Variants in AVEN observed in about 807,000 individuals in gnomAD.
AVEN encodes the protein cell death regulator Aven.
A neutral mutation model predicts 38.1 loss-of-function variants in AVEN; 41 were observed. The observed-to-expected ratio is 1.08, with a 90% confidence interval of 0.84 to 1.40. AVEN has a LOEUF of 1.40. Among genes scored for constraint, AVEN ranks in the 40% most tolerant of loss-of-function variants. The pLI is 0.00. For synonymous variants in AVEN, 206 were observed against 171.8 expected, an observed-to-expected ratio of 1.20 and a Z score of -1.56; for missense variants, 605 against 438.8, an observed-to-expected ratio of 1.38 and a Z score of -3.38.
At chr15:34,019,406 A>G (rs1898107019) in intron 1 of AVEN, among the ~76,000 whole-genome samples, 1 of 152,244 alleles carries the variant, frequency 6.6e-6, no homozygotes, top group Middle Eastern at 3.2e-3. Context: ...TTTATAAAGT[A>G]AGAAAATTAC....
intron 2 of AVEN, among the ~76,000 whole-genome samples, chr15:33,887,972 C>T: frequency 6.6e-6 from 1 of 152,114 alleles, no homozygotes; most frequent in Non-Finnish European, 1.5e-5. Context: ...TGCAACCACA[C>T]CTAGTTCACC....
chr15:33,974,631 C>G (rs1895796815), intron 2 of AVEN, among the ~76,000 whole-genome samples: 1 of 152,134 alleles, frequency 6.6e-6, no homozygotes. Flanking sequence ...TGCATGTGTA[C>G]GTCCTCACAG....
At chr15:34,073,519 C>CTTTTTTTTTTTTT (rs10617421) in intron 1 of AVEN, among the ~76,000 whole-genome samples, 1 of 88,518 alleles carries the variant, frequency 1.1e-5, no homozygotes, top group African/African-American at 4.3e-5. Context: ...TTTCTTTTTT[C>CTTTTTTTTTTTTT]TTTTTTTTTT....
At chr15:33,986,548 CTT>C (rs961521786) in intron 2 of AVEN, among the ~76,000 whole-genome samples, 5 of 152,116 alleles carry the variant, frequency 3.3e-5, no homozygotes, top group African/African-American at 1.2e-4. Context: ...CTTTCTGAAA[CTT>C]AATGATTTTT....
downstream of AVEN, chr15:33,864,068 C>T: frequency 8.5e-7 from 1 of 1,174,182 alleles, no homozygotes; most frequent in South Asian, 1.3e-5. Flanking sequence ...GAGCCCTGAT[C>T]ACAGTTAATC....
intron 1 of AVEN, among the ~76,000 whole-genome samples, chr15:34,015,481 CAAAAAATAAA>C (rs1445829785): frequency 2.7e-5 from 4 of 146,360 alleles, no homozygotes; most frequent in African/African-American, 1.0e-4. Context: ...GACTCCATCT[CAAAAAATAAA>C]AAAAAATAAA....
chr15:33,924,577 C>G (rs499623), intron 2 of AVEN, among the ~76,000 whole-genome samples: 105,277 of 151,920 alleles, frequency 0.69, 36,803 homozygotes, highest in East Asian at 0.81. Flanking sequence ...CTGCCACAGC[C>G]TCTCAAAGTG....
downstream of AVEN, among the ~76,000 whole-genome samples, chr15:33,862,484 G>T (rs185527148): frequency 2.0e-5 from 3 of 152,318 alleles, no homozygotes; most frequent in African/African-American, 7.2e-5. Context: ...TGGGATTACG[G>T]GTGTGAGCCA....
intron 2 of AVEN, among the ~76,000 whole-genome samples, chr15:33,961,608 T>G (rs1456210966): frequency 2.1e-4 from 32 of 151,446 alleles, no homozygotes; most frequent in South Asian, 2.1e-4. Flanking sequence ...GGTCAGGAGA[T>G]CGAGACCATT....
chr15:34,006,320 A>AG (rs1004930373), intron 1 of AVEN, among the ~76,000 whole-genome samples: 1 of 152,054 alleles, frequency 6.6e-6, no homozygotes, highest in African/African-American at 2.4e-5. Flanking sequence ...CAAAAAAAAA[A>AG]AAAACAGCCT....
chr15:33,995,169 CAGG>C (rs1404108196), intron 2 of AVEN, among the ~76,000 whole-genome samples: 1 of 152,106 alleles, frequency 6.6e-6, no homozygotes, highest in Admixed American at 6.5e-5. Flanking sequence ...GAGGCTGGGG[CAGG>C]AGGATTGCTT....
At chr15:34,066,345 G>A (rs184054281) in intron 3 of AVEN, 1 of 152,358 alleles carries the variant, frequency 6.6e-6, no homozygotes, top group Non-Finnish European at 1.5e-5. Flanking sequence ...CATGAGAATA[G>A]GCTTTTAAGC....
intron 1 of AVEN, among the ~76,000 whole-genome samples, chr15:34,011,719 C>A (rs891662894): frequency 1.3e-5 from 2 of 152,198 alleles, no homozygotes; most frequent in Non-Finnish European, 2.9e-5. Flanking sequence ...TTCCATCTCT[C>A]TCTTTCCCTA....
chr15:33,884,477 T>C (rs1891619521), intron 2 of AVEN, among the ~76,000 whole-genome samples: 1 of 152,286 alleles, frequency 6.6e-6, no homozygotes, highest in East Asian at 1.9e-4. Context: ...TCGTACCAAT[T>C]CCATCACTGT....
chr15:33,933,506 CACACACACACACACACACAGAGAGA>C (rs1315641926), intron 2 of AVEN, among the ~76,000 whole-genome samples: 14 of 118,390 alleles, frequency 1.2e-4, no homozygotes, highest in Non-Finnish European at 1.1e-4. Flanking sequence ...CACACACACA[CACACACACACACACACACAGAGAGA>C]GAGAGAGAGA....
intron 2 of AVEN, among the ~76,000 whole-genome samples, chr15:33,959,250 C>G (rs879563131): frequency 2.0e-5 from 3 of 152,162 alleles, no homozygotes; most frequent in Admixed American, 6.5e-5. Context: ...CATTTTCCTA[C>G]TAGATAGAAT....
chr15:33,931,586 G>T (rs1024019168), intron 2 of AVEN, among the ~76,000 whole-genome samples: 1 of 151,864 alleles, frequency 6.6e-6, no homozygotes, highest in African/African-American at 2.4e-5. Flanking sequence ...TAGCCAGGAT[G>T]GTCTTGATCT....
chr15:33,907,240 C>T (rs559505497), intron 2 of AVEN, among the ~76,000 whole-genome samples: 2 of 152,286 alleles, frequency 1.3e-5, no homozygotes, highest in Admixed American at 6.5e-5. Context: ...CTGGGCCTCT[C>T]CTTACAGCCG....
chr15:33,910,756 G>C (rs186250570), intron 2 of AVEN, among the ~76,000 whole-genome samples: 1 of 152,182 alleles, frequency 6.6e-6, no homozygotes, highest in Non-Finnish European at 1.5e-5. Context: ...GGTAGGGACT[G>C]ACCTGAAAAG....
Sources: allele counts gnomAD v4.1 joint callset (sites outside exome capture counted in the v4.1 genomes callset), GRCh38; gene constraint gnomAD v4.1.1; transcripts MANE v1.5; gene names NCBI Gene and HGNC (gene_info 2026-07-23, HGNC 2026-07-21).